GRK7: variants seen among roughly 807,000 people sequenced by gnomAD.
The protein encoded by GRK7 is G protein-coupled receptor kinase 7, also known as rhodopsin kinase GRK7.
Under a neutral mutation model 34.1 loss-of-function variants are expected in GRK7, and 24 were observed. That is an observed-to-expected ratio of 0.70 (90% CI 0.51 to 0.99). GRK7 has a LOEUF of 0.99. Ranked by LOEUF, GRK7 falls within the 50% of genes least tolerant of loss-of-function variation. The pLI is 0.00. For missense variants in GRK7, 644 were observed against 707.3 expected, an observed-to-expected ratio of 0.91 and a Z score of 1.02; for synonymous variants, 256 against 279.4, an observed-to-expected ratio of 0.92 and a Z score of 0.84.
intron 4 of GRK7, among the ~76,000 whole-genome samples, chr3:141,786,775 G>GAA (rs34246562): frequency 1.5e-5 from 2 of 136,108 alleles, no homozygotes; most frequent in African/African-American, 2.7e-5. Flanking sequence ...AAGACTCTCG[G>GAA]AAAAAAAAAA....
At chr3:141,767,847 T>A (rs533181910) in intron 1 of GRK7, among the ~76,000 whole-genome samples, 1 of 152,318 alleles carries the variant, frequency 6.6e-6, no homozygotes, top group African/African-American at 2.4e-5. Context: ...TACCCTGGAA[T>A]GGACTATGAG....
chr3:141,795,995 G>T (rs534635110), intron 4 of GRK7, among the ~76,000 whole-genome samples: 4 of 152,140 alleles, frequency 2.6e-5, no homozygotes, highest in Non-Finnish European at 5.9e-5. Context: ...AATGGTTGCC[G>T]TGTCATCTAA....
At chr3:141,812,062 G>T (rs1198688864) in intron 5 of GRK7, among the ~76,000 whole-genome samples, 1 of 152,228 alleles carries the variant, frequency 6.6e-6, no homozygotes, top group Non-Finnish European at 1.5e-5. Flanking sequence ...TGATTTAAGT[G>T]CTTCTCCAAC....
At chr3:141,775,813 G>A (rs932806182) in intron 2 of GRK7, among the ~76,000 whole-genome samples, 92 of 151,672 alleles carry the variant, frequency 6.1e-4, no homozygotes, top group African/African-American at 2.1e-3. Context: ...TCATATTAAT[G>A]TAGTTGCTAG....
chr3:141,773,740 C>A (rs188169685), intron 1 of GRK7, among the ~76,000 whole-genome samples: 1 of 152,296 alleles, frequency 6.6e-6, no homozygotes, highest in East Asian at 1.9e-4. Context: ...AAAGCTAATA[C>A]TTTTTGATCA....
chr3:141,788,284 C>T (rs116609133), intron 4 of GRK7, among the ~76,000 whole-genome samples: 3,665 of 152,200 alleles, frequency 0.024, 128 homozygotes, highest in African/African-American at 0.084. Context: ...CAGAGTGATT[C>T]CTTAGGAAGA....
chr3:141,814,124 T>A (rs1711122628), intron 5 of GRK7, among the ~76,000 whole-genome samples: 1 of 152,210 alleles, frequency 6.6e-6, no homozygotes, highest in South Asian at 2.1e-4. Flanking sequence ...TTTTGATATC[T>A]TGAATGGAAA....
chr3:141,807,576 C>A, intron 4 of GRK7, 69 bp from the exon 5 acceptor site: 1 of 1,333,934 alleles, frequency 7.5e-7, no homozygotes, highest in Non-Finnish European at 1.1e-6. Flanking sequence ...AGGCAGTCAG[C>A]AGTGTCTGCT....
the GRK7 span, among the ~76,000 whole-genome samples, chr3:141,757,038 C>A: frequency 1.3e-5 from 2 of 151,800 alleles, no homozygotes; most frequent in African/African-American, 4.8e-5. Flanking sequence ...TGGAGCTACC[C>A]CCAATTATAA....
chr3:141,794,450 C>A (rs1204497024), intron 4 of GRK7, among the ~76,000 whole-genome samples: 2 of 152,068 alleles, frequency 1.3e-5, no homozygotes, highest in South Asian at 2.1e-4. Flanking sequence ...GAAAAGGAAG[C>A]CAGGAAATGA....
intron 5 of GRK7, among the ~76,000 whole-genome samples, chr3:141,809,661 G>A (rs1711072757): frequency 6.6e-6 from 1 of 152,058 alleles, no homozygotes; most frequent in Non-Finnish European, 1.5e-5. Context: ...TCATGCCACT[G>A]TACTCCAGCA....
intron 1 of GRK7, among the ~76,000 whole-genome samples, chr3:141,770,567 A>C (rs563528376): frequency 6.8e-6 from 1 of 146,792 alleles, no homozygotes; most frequent in Non-Finnish European, 1.5e-5. Flanking sequence ...AGAAAAAAGA[A>C]AAAAAAAAAA....
chr3:141,767,403 G>GTT (rs199735122), intron 1 of GRK7, among the ~76,000 whole-genome samples: 7 of 144,076 alleles, frequency 4.9e-5, no homozygotes, highest in African/African-American at 1.5e-4. Context: ...TTTGTTTTTT[G>GTT]TTTTTTTTTT....
chr3:141,801,324 AAAAAAAAAAAG>A (rs1427017594), intron 4 of GRK7, among the ~76,000 whole-genome samples: 2 of 149,234 alleles, frequency 1.3e-5, no homozygotes, highest in African/African-American at 5.1e-5. Flanking sequence ...AAAAAAAAAA[AAAAAAAAAAAG>A]AAATGCAAAG....
chr3:141,775,192 G>A (rs998441350), intron 2 of GRK7, among the ~76,000 whole-genome samples: 1 of 152,112 alleles, frequency 6.6e-6, no homozygotes, highest in African/African-American at 2.4e-5. Context: ...TTGAGGTCAG[G>A]AGTTCAGAAC....
the GRK7 span, among the ~76,000 whole-genome samples, chr3:141,750,642 A>G: frequency 6.6e-6 from 1 of 152,094 alleles, no homozygotes; most frequent in South Asian, 2.1e-4. Context: ...TAATTATAGA[A>G]TTGCTTTTAA....
rs1213600668 is a variant in GRK7 at position 141,778,380 on chromosome 3, G to A, written c.96G>A (p.Arg32=). ...PSDCDSKELQ[R]RRRSLALPGL... ...ACTGCGACAGCAAAGAGCTGCAGCG[G>A]CGGCGGCGTAGCCTGGCCCTGCCCG... Residue 32 remains arginine (R), a synonymous_variant, in exon 3 of 6, where the codon CGG becomes CGA. Coordinates refer to ENST00000682958, the MANE Select transcript of GRK7 (RefSeq NM_139209.3). The surrounding 1 kb of genome is among the most constrained non-coding windows in gnomAD (Gnocchi z 4.1). 2 of 1,611,456 alleles carry A rather than the reference G, an allele frequency of 1.2e-6. No homozygotes were observed. The highest frequency in any genetic ancestry group is 8.5e-7 in the Non-Finnish European group (1 of 1,178,864).
At chr3:141,784,974 C>G (rs2084688509) in intron 4 of GRK7, among the ~76,000 whole-genome samples, 1 of 152,230 alleles carries the variant, frequency 6.6e-6, no homozygotes, top group Non-Finnish European at 1.5e-5. Context: ...CATCTCAGTA[C>G]TCCTCAGAGA....
intron 2 of GRK7, among the ~76,000 whole-genome samples, chr3:141,775,089 G>A (rs566870424): frequency 6.6e-6 from 1 of 152,066 alleles, no homozygotes; most frequent in African/African-American, 2.4e-5. Flanking sequence ...ACTGCACCCA[G>A]CCAGATTATT....
Sources: allele counts gnomAD v4.1 joint callset (sites outside exome capture counted in the v4.1 genomes callset), GRCh38; gene constraint gnomAD v4.1.1; non-coding constraint Gnocchi (gnomAD v3.1); transcripts MANE v1.5; gene names NCBI Gene and HGNC (gene_info 2026-07-23, HGNC 2026-07-21).